The following ZFYVE28 variants were observed in gnomAD, a reference collection of about 807,000 sequenced individuals.
ZFYVE28 encodes zinc finger FYVE-type containing 28.
ZFYVE28 carries 40 observed loss-of-function variants against 82.1 expected under a neutral mutation model. The ratio of observed to expected loss-of-function variants is 0.49; its 90% CI spans 0.38 to 0.63. The LOEUF is 0.63. Ranked by LOEUF, ZFYVE28 falls within the 30% of genes least tolerant of loss-of-function variation. ZFYVE28 has a pLI of 0.00. For missense variants in ZFYVE28, 1,321 were observed against 1,242.1 expected (o/e 1.06, Z -0.96); for synonymous variants, 612 against 546.1 (o/e 1.12, Z -1.68).
At chr4:2,403,586 TAGCACAC>T (rs961812958) in intron 1 of ZFYVE28, among the ~76,000 whole-genome samples, 4 of 152,114 alleles carry the variant, frequency 2.6e-5, no homozygotes, top group African/African-American at 9.7e-5. Flanking sequence ...CTCAAAGCCA[TAGCACAC>T]AGCAGGGCCA....
chr4:2,404,586 C>T (rs1386022601), intron 1 of ZFYVE28, among the ~76,000 whole-genome samples: 1 of 152,154 alleles, frequency 6.6e-6, no homozygotes, highest in Non-Finnish European at 1.5e-5. Flanking sequence ...CACAAAAGGC[C>T]CCACAGCATA....
At chr4:2,388,397 A>G (rs1435924392) in intron 1 of ZFYVE28, among the ~76,000 whole-genome samples, 1 of 152,148 alleles carries the variant, frequency 6.6e-6, no homozygotes, top group Non-Finnish European at 1.5e-5. Flanking sequence ...TGGACTATCA[A>G]CAGCACAACG....
intron 8 of ZFYVE28, among the ~76,000 whole-genome samples, chr4:2,294,381 T>C (rs146293446): frequency 1.2e-4 from 19 of 152,340 alleles, no homozygotes; most frequent in East Asian, 3.9e-4. Context: ...TCTGGAATAA[T>C]TGACTTTCCT....
At chr4:2,331,188 T>C (rs28473337) in intron 6 of ZFYVE28, 73,779 of 447,082 alleles carry the variant, frequency 0.17, 11,698 homozygotes, top group African/African-American at 0.4. Context: ...GGGGCCTGGG[T>C]TCTGCACAGG....
At chr4:2,369,259 G>C (rs1727234389) in intron 1 of ZFYVE28, among the ~76,000 whole-genome samples, 1 of 152,224 alleles carries the variant, frequency 6.6e-6, no homozygotes, top group Non-Finnish European at 1.5e-5. Context: ...GAGCAATCTA[G>C]GCCAGGCTGT....
intron 8 of ZFYVE28, among the ~76,000 whole-genome samples, chr4:2,296,114 A>G (rs1181100873): frequency 6.6e-6 from 1 of 152,136 alleles, no homozygotes; most frequent in Admixed American, 6.5e-5. Flanking sequence ...CCTCCCCGAG[A>G]GCACAGCCAG....
intron 1 of ZFYVE28, among the ~76,000 whole-genome samples, chr4:2,400,104 C>G (rs1731014562): frequency 6.6e-6 from 1 of 152,246 alleles, no homozygotes; most frequent in African/African-American, 2.4e-5. Context: ...AACCCTGACC[C>G]TCCACAGAGC....
At chr4:2,272,718 C>T (rs975447578) in intron 10 of ZFYVE28, among the ~76,000 whole-genome samples, 5 of 152,064 alleles carry the variant, frequency 3.3e-5, no homozygotes, top group Admixed American at 6.5e-5. Context: ...TGGGCAGCCT[C>T]GGGCTGCTCT....
intron 4 of ZFYVE28, 92 bp from the exon 5 acceptor site, chr4:2,337,588 A>T: frequency 5.4e-6 from 5 of 934,188 alleles, no homozygotes; most frequent in Non-Finnish European, 8.0e-6. Context: ...TAAAGCTGCA[A>T]TGCTGGGCAA....
intron 12 of ZFYVE28, 185 bp from the exon 13 acceptor site, chr4:2,271,041 C>G (rs1735860732): frequency 1.1e-6 from 1 of 886,490 alleles, no homozygotes; most frequent in South Asian, 1.7e-5. Context: ...ACGTCCTGCA[C>G]CAAGGCTGCT....
At position 2,350,430 on chromosome 4, in the gene ZFYVE28, C is replaced by G. The variant is rs1186455410; in HGVS notation, c.180+3503G>C. 7.9e-5 allele frequency among the ~76,000 whole-genome samples: 12 copies of G among 151,662 alleles called. No individual in the cohort carries two copies. The East Asian group carries it at 1.5e-3, about 20-fold the overall frequency. ...ACTGAGCCGAGATCGCGCCACTGCA[C>G]TCCAGCCTGGGCGACAGAGCGAGAC... On this transcript the variant is annotated intron_variant, in intron 2 of 12. Coordinates refer to ENST00000290974, the MANE Select transcript of ZFYVE28 (RefSeq NM_020972.3).
intron 5 of ZFYVE28, among the ~76,000 whole-genome samples, chr4:2,336,801 A>G (rs1721810335): frequency 2.2e-5 from 3 of 138,020 alleles, no homozygotes; most frequent in East Asian, 2.2e-4. Flanking sequence ...TGAGGAGATG[A>G]GGAGGTGAGG....
chr4:2,330,705 G>A (rs1355459849), intron 6 of ZFYVE28: 1 of 1,461,102 alleles, frequency 6.8e-7, no homozygotes, highest in Non-Finnish European at 9.0e-7. Flanking sequence ...GGAGCAGAGG[G>A]GACAGCGTGG....
In ZFYVE28 at chr4:2,323,181, G is replaced by T. The variant is rs191051257; in HGVS notation, c.702-2910C>A. ...TTACACTCCTGCCAGCAATCCAAGG[G>T]TTCTGACTTCTCCACGCTCTCCCCA... On this transcript the variant is annotated intron_variant, in intron 6 of 12. Transcript: ENST00000290974. 3.0e-4 allele frequency among the ~76,000 whole-genome samples: 45 copies of T among 152,258 alleles called. 1 individual carries two copies. Among genetic ancestry groups the T allele is most frequent in the Admixed American group, 2.7e-3 (42 of 15,292 alleles).
chr4:2,406,062 A>AAG (rs1553867783), intron 1 of ZFYVE28, among the ~76,000 whole-genome samples: 53 of 125,060 alleles, frequency 4.2e-4, no homozygotes, highest in Middle Eastern at 4.4e-3. Flanking sequence ...AAAAAAAAAA[A>AAG]AAAGAAAGAA....
chr4:2,304,207 T>C, intron 8 of ZFYVE28, 82 bp downstream of exon 8: 1 of 1,481,422 alleles, frequency 6.8e-7, no homozygotes, highest in Non-Finnish European at 9.0e-7. Flanking sequence ...GTAGAAACAC[T>C]GCAATGCTTG....
intron 8 of ZFYVE28, among the ~76,000 whole-genome samples, chr4:2,290,238 C>T (rs537872995): frequency 6.6e-6 from 1 of 152,308 alleles, no homozygotes; most frequent in South Asian, 2.1e-4. Flanking sequence ...CCCGGCAGTC[C>T]CCAGGACCAT....
intron 1 of ZFYVE28, among the ~76,000 whole-genome samples, chr4:2,403,179 T>C (rs1040876874): frequency 3.9e-5 from 6 of 152,194 alleles, no homozygotes; most frequent in Admixed American, 1.3e-4. Flanking sequence ...AGGGCTGCCC[T>C]GAGCCCCAGC....
rs1401129905 is a variant in ZFYVE28 at position 2,337,534 on chromosome 4, C to A, written c.522-38G>T. 3 of 1,549,390 alleles carry A rather than the reference C, an allele frequency of 1.9e-6. No homozygotes were observed. The Admixed American group carries it at 5.6e-5, about 29-fold the overall frequency. On this transcript the variant is annotated intron_variant, in intron 4 of 12. Transcript: ENST00000290974. ...GGAGACCTGTGAGGCCGCACCTGGG[C>A]TGTGGCGGGGCCCCTCCAAAACAGA...
Sources: allele counts gnomAD v4.1 joint callset (sites outside exome capture counted in the v4.1 genomes callset), GRCh38; gene constraint gnomAD v4.1.1; transcripts MANE v1.5; gene names NCBI Gene and HGNC (gene_info 2026-07-23, HGNC 2026-07-21).